Variants in GRID1 observed in about 807,000 individuals in gnomAD.
GRID1 encodes the protein glutamate ionotropic receptor delta type subunit 1.
GRID1 carries 28 observed loss-of-function variants against 98.0 expected under a neutral mutation model. The observed-to-expected ratio is 0.29, with a 90% CI of 0.21 to 0.39. The LOEUF (loss-of-function observed/expected upper bound fraction) is 0.39. Among genes scored for constraint, GRID1 ranks in the 10% least tolerant of loss-of-function variants. The pLI, the probability that GRID1 is intolerant of heterozygous loss-of-function variation, is 1.00. For synonymous variants in GRID1, 553 were observed against 538.5 expected (o/e 1.03, Z -0.37); for missense variants, 1,111 against 1,340.5 (o/e 0.83, Z 2.67).
At chr10:86,228,562 G>A (rs558333203) in intron 2 of GRID1, among the ~76,000 whole-genome samples, 1 of 152,248 alleles carries the variant, frequency 6.6e-6, no homozygotes, top group South Asian at 2.1e-4. Context: ...ACCCTGGCCA[G>A]GCATCCCAGA....
intron 3 of GRID1, among the ~76,000 whole-genome samples, chr10:86,182,827 C>CTAACAAGTTAGTTAGATTCTAACT (rs1202200575): frequency 2.6e-5 from 4 of 152,164 alleles, no homozygotes; most frequent in Non-Finnish European, 5.9e-5. Context: ...GATGGATTCT[C>CTAACAAGTTAGTTAGATTCTAACT]AAACTAACAA....
At chr10:86,106,782 G>A (rs746469645) in intron 4 of GRID1, among the ~76,000 whole-genome samples, 6 of 152,182 alleles carry the variant, frequency 3.9e-5, no homozygotes, top group Non-Finnish European at 8.8e-5. Flanking sequence ...CTGCATGGCC[G>A]CTGGCAATGG....
At chr10:86,321,234 C>T (rs1847966872) in intron 2 of GRID1, among the ~76,000 whole-genome samples, 2 of 151,422 alleles carry the variant, frequency 1.3e-5, no homozygotes, top group South Asian at 4.2e-4. Flanking sequence ...TTTTAATGAC[C>T]CAGGAAATAA....
At chr10:86,024,902 T>A (rs1347808195) in intron 4 of GRID1, among the ~76,000 whole-genome samples, 1 of 152,164 alleles carries the variant, frequency 6.6e-6, no homozygotes, top group African/African-American at 2.4e-5. Flanking sequence ...GTAGATAAGA[T>A]GAGGCCAGTC....
intron 2 of GRID1, among the ~76,000 whole-genome samples, chr10:86,335,488 A>C (rs959948519): frequency 1.4e-4 from 21 of 152,238 alleles, no homozygotes; most frequent in Non-Finnish European, 1.9e-4. Flanking sequence ...CCTCAAGAGA[A>C]GCATCTGGCT....
intron 8 of GRID1, among the ~76,000 whole-genome samples, chr10:85,833,904 C>G (rs989115042): frequency 6.6e-6 from 1 of 152,044 alleles, no homozygotes; most frequent in African/African-American, 2.4e-5. Context: ...AACTGGAGAA[C>G]AGATGAATAA....
intron 14 of GRID1, among the ~76,000 whole-genome samples, chr10:85,616,158 A>G (rs1842786055): frequency 6.6e-6 from 1 of 152,242 alleles, no homozygotes; most frequent in Non-Finnish European, 1.5e-5. Flanking sequence ...TTATCCTGCC[A>G]GCACTGACAT....
intron 2 of GRID1, among the ~76,000 whole-genome samples, chr10:86,346,199 T>G (rs1848379280): frequency 6.6e-6 from 1 of 152,224 alleles, no homozygotes; most frequent in Non-Finnish European, 1.5e-5. Flanking sequence ...CTCCAGCACA[T>G]GGGTTCTGCC....
chr10:86,196,628 A>G (rs1206705990), intron 3 of GRID1, among the ~76,000 whole-genome samples: 2 of 152,128 alleles, frequency 1.3e-5, no homozygotes, highest in South Asian at 4.1e-4. Context: ...TCTCACTGTG[A>G]TTCATATGTG....
rs372729146 is a variant in GRID1 at position 86,128,374 on chromosome 10, T to G, written c.726+10445A>C. 7.2e-5 allele frequency among the ~76,000 whole-genome samples: 11 copies of G among 152,300 alleles called. No homozygotes were observed. The South Asian group carries it at 2.3e-3, about 32-fold the overall frequency. On this transcript the variant is annotated intron_variant, in intron 4 of 15. Transcript: ENST00000327946. ...GGGGAATTCATGTGTGCTTTTCCTG[T>G]GATGATCTACCTCCCTCCAGTTCTT...
At chr10:86,197,766 A>T (rs1421481555) in intron 3 of GRID1, among the ~76,000 whole-genome samples, 2 of 152,138 alleles carry the variant, frequency 1.3e-5, no homozygotes, top group East Asian at 3.9e-4. Flanking sequence ...AATCTGATGG[A>T]GGGGTGAGGG....
chr10:86,267,184 A>C (rs1316276642), intron 2 of GRID1, among the ~76,000 whole-genome samples: 1 of 152,246 alleles, frequency 6.6e-6, no homozygotes, highest in Admixed American at 6.5e-5. Context: ...CAGCCCCTGC[A>C]AGCTGGATAT....
At chr10:85,605,712 C>T (rs1401822644) in intron 15 of GRID1, 1 of 152,024 alleles carries the variant, frequency 6.6e-6, no homozygotes, top group Non-Finnish European at 1.5e-5. Flanking sequence ...GAGCACTAGC[C>T]CAGGGTGTTC....
At chr10:86,030,191 G>A (rs1018384911) in intron 4 of GRID1, among the ~76,000 whole-genome samples, 2 of 152,136 alleles carry the variant, frequency 1.3e-5, no homozygotes, top group African/African-American at 4.8e-5. Context: ...AGGTTATAAA[G>A]GAAAGAGATT....
intron 4 of GRID1, among the ~76,000 whole-genome samples, chr10:86,031,195 TG>T (rs1159401761): frequency 6.6e-6 from 1 of 152,164 alleles, no homozygotes; most frequent in Non-Finnish European, 1.5e-5. Context: ...AAAGAAAATA[TG>T]GTACATATAC....
chr10:85,687,244 T>C (rs1841279627), intron 12 of GRID1, among the ~76,000 whole-genome samples: 1 of 148,546 alleles, frequency 6.7e-6, no homozygotes, highest in Admixed American at 6.7e-5. Context: ...CAAAGTCAAG[T>C]AAAAAAAAAA....
intron 2 of GRID1, among the ~76,000 whole-genome samples, chr10:86,249,475 A>G (rs965961194): frequency 6.6e-6 from 1 of 152,176 alleles, no homozygotes; most frequent in Non-Finnish European, 1.5e-5. Flanking sequence ...TTGTGCCCCT[A>G]GCTTGGCCCT....
rs149347338 is a variant in GRID1, at chr10:86,285,771, C to T, written c.235+78170G>A. ...GTAGAAATAGGTCAAGGCATAGATTCGATATATGGTAAGTCCTTACTTAAC... is the reference window on the plus strand; with the variant it reads ...GTAGAAATAGGTCAAGGCATAGATTTGATATATGGTAAGTCCTTACTTAAC... On this transcript the variant is annotated intron_variant, in intron 2 of 15. Coordinates refer to ENST00000327946, the MANE Select transcript of GRID1 (RefSeq NM_017551.3). Among the ~76,000 whole-genome samples, 348 of 152,152 alleles carry T rather than the reference C, an allele frequency of 2.3e-3. 2 individuals carry two copies. The highest frequency in any genetic ancestry group is 0.014 in the Middle Eastern group (4 of 294).
chr10:85,811,286 C>G (rs1385151757), intron 8 of GRID1, among the ~76,000 whole-genome samples: 1 of 152,148 alleles, frequency 6.6e-6, no homozygotes, highest in African/African-American at 2.4e-5. Flanking sequence ...GGCTACTATT[C>G]CCTCAGGTGC....
Sources: gnomAD v4.1 joint callset for allele counts (sites outside exome capture counted in the v4.1 genomes callset) on GRCh38, gnomAD v4.1.1 for gene constraint, MANE v1.5 for transcripts, NCBI Gene and HGNC (gene_info 2026-07-23, HGNC 2026-07-21) for gene names.